The following KDM3A variants were observed in gnomAD, a reference collection of about 807,000 sequenced individuals.
KDM3A encodes lysine-specific demethylase 3A.
In KDM3A, 60 loss-of-function variants were observed where a neutral mutation model predicts 158.0. That is an observed-to-expected ratio of 0.38 (90% confidence interval 0.31 to 0.47). The LOEUF (loss-of-function observed/expected upper bound fraction) is 0.47. Ranked by LOEUF, KDM3A falls within the 20% of genes least tolerant of loss-of-function variation. KDM3A has a pLI of 0.99. For synonymous variants in KDM3A, 608 were observed against 549.3 expected (o/e 1.11, Z -1.49); for missense variants, 1,319 against 1,574.3 (o/e 0.84, Z 2.74).
intron 11 of KDM3A, among the ~76,000 whole-genome samples, chr2:86,470,756 C>T (rs548962651): frequency 1.1e-3 from 166 of 152,130 alleles, no homozygotes; most frequent in Non-Finnish European, 2.0e-3. Flanking sequence ...GTTGGTATAC[C>T]TAGTTGGTAT....
intron 16 of KDM3A, among the ~76,000 whole-genome samples, chr2:86,481,721 C>T (rs116304444): frequency 1.3e-3 from 193 of 152,250 alleles, no homozygotes; most frequent in African/African-American, 4.5e-3. Context: ...GGTCAATTTA[C>T]AAAATTCCAT....
intron 8 of KDM3A, among the ~76,000 whole-genome samples, chr2:86,461,365 A>G (rs1002856430): frequency 5.9e-5 from 9 of 152,284 alleles, no homozygotes; most frequent in African/African-American, 2.2e-4. Flanking sequence ...ACTGATCTAC[A>G]GTGGTGATCA....
At position 86,451,138 on chromosome 2, in the gene KDM3A, A is replaced by G; in HGVS notation, c.378A>G (p.Gly126=). The G allele has an allele frequency of 6.2e-7, 1 of 1,611,782 alleles. No homozygotes were observed. Among genetic ancestry groups the G allele is most frequent in the Non-Finnish European group, 8.5e-7 (1 of 1,179,302 alleles). The change falls in exon 4 of 26, where the codon GGA becomes GGG. Residue 126 remains glycine, a synonymous_variant. Coordinates refer to ENST00000312912, the MANE Select transcript of KDM3A (RefSeq NM_018433.6). ...CTCTGTTGGACAAAGCTGGTTTGGG[A>G]TCCATAACTTCTGTTCGCTTTCTGG... ...YKPLLDKAGL[G]SITSVRFLGD...
chr2:86,462,289 T>C (rs572131723), intron 8 of KDM3A, among the ~76,000 whole-genome samples: 6 of 152,086 alleles, frequency 3.9e-5, no homozygotes, highest in Non-Finnish European at 8.8e-5. Flanking sequence ...AGTATGTTGC[T>C]CTTGGGAGAG....
intron 2 of KDM3A, chr2:86,443,306 A>T (rs1012019073): frequency 6.6e-6 from 1 of 152,208 alleles, no homozygotes; most frequent in African/African-American, 2.4e-5. Flanking sequence ...TTATATGTTG[A>T]TTTCTGAAAC....
chr2:86,457,552 C>T (rs916783025), intron 8 of KDM3A, among the ~76,000 whole-genome samples: 2 of 152,108 alleles, frequency 1.3e-5, no homozygotes, highest in African/African-American at 4.8e-5. Context: ...TTATGGTTCA[C>T]TATTTTATGT....
At chr2:86,453,141 A>G (rs1672537540) in intron 4 of KDM3A, among the ~76,000 whole-genome samples, 1 of 148,932 alleles carries the variant, frequency 6.7e-6, no homozygotes, top group Non-Finnish European at 1.5e-5. Flanking sequence ...AGAAACATCT[A>G]AATTAGTAAG....
chr2:86,466,839 A>G lies in KDM3A; in HGVS notation c.1475A>G (p.Asp492Gly). 1 of 1,610,836 alleles carries G rather than the reference A, an allele frequency of 6.2e-7. No individual in the cohort carries two copies. Among genetic ancestry groups the G allele is most frequent in the Non-Finnish European group, 8.5e-7 (1 of 1,178,712 alleles). Residue 492 changes from aspartate (D) to glycine (G), a missense_variant, in exon 10 of 26, where the codon GAT becomes GGT. Around this residue, in one of 4 missense-constraint regions of KDM3A, gnomAD observed 652 missense variants for 627.2 expected, o/e 1.04. Coordinates refer to ENST00000312912, the MANE Select transcript of KDM3A (RefSeq NM_018433.6). ...TTAAAGGAATCTTCAGTAAAAGTAG[A>G]TAATGAAAGCTGTTGTTCAAGAAGC... ...QNLKESSVKV[D>G]NESCCSRSNN...
chr2:86,482,658 C>G lies in KDM3A; in HGVS notation c.2886C>G (p.Asn962Lys). ...TGCAAGACCCCAACAATAAGAGCAA[C>G]TGGAATGTGTTTAGGGAGTGCTGGA... is the stretch of plus-strand genomic sequence containing the variant. ...LCLQDPNNKS[N>K]WNVFRECWKQ... is the part of the protein sequence containing the mutation. The change falls in exon 18 of 26, where the codon AAC becomes AAG. Residue 962 changes from asparagine (N) to lysine (K), a missense_variant. Asn to Lys is a moderately conservative substitution (Grantham distance 94). This residue lies in a region of KDM3A where 368 missense variants were observed against 415.8 expected (regional missense o/e 0.89). Coordinates refer to ENST00000312912, the MANE Select transcript of KDM3A (RefSeq NM_018433.6). 1 of 1,614,124 alleles carries G rather than the reference C, an allele frequency of 6.2e-7. No individual in the cohort carries two copies. Among genetic ancestry groups the G allele is most frequent in the Non-Finnish European group, 8.5e-7 (1 of 1,180,026 alleles).
intron 21 of KDM3A, chr2:86,487,556 G>A (rs936737231): frequency 6.6e-6 from 1 of 152,172 alleles, no homozygotes; most frequent in Non-Finnish European, 1.5e-5. Flanking sequence ...GACTTGTTCA[G>A]GATCTCCAAG....
chr2:86,480,398 A>AT (rs757235700), intron 16 of KDM3A, 36 bp downstream of exon 16: 36 of 1,559,420 alleles, frequency 2.3e-5, no homozygotes, highest in Non-Finnish European at 2.7e-5. Flanking sequence ...GTTCTTGAGT[A>AT]TTTTAGTCCA....
At position 86,456,518 on chromosome 2, in the gene KDM3A, T is replaced by C. The variant is rs781260141; in HGVS notation, c.633T>C (p.Val211=). 3.7e-6 allele frequency: 6 copies of C among 1,609,382 alleles called. No homozygotes were observed. The African/African-American group carries it at 8.0e-5, about 22-fold the overall frequency. ...DPSTQWFSAT[V]INGNPASKTL... ...CTACTCAGTGGTTTTCAGCAACCGT[T>C]ATAAATGGAAACCCAGCATCAAAAA... Residue 211 remains valine, a synonymous_variant, in exon 6 of 26, where the codon GTT becomes GTC. Coordinates refer to ENST00000312912, the MANE Select transcript of KDM3A (RefSeq NM_018433.6).
intron 8 of KDM3A, among the ~76,000 whole-genome samples, chr2:86,462,201 G>GTTT (rs370408258): frequency 1.1e-4 from 16 of 146,600 alleles, no homozygotes; most frequent in South Asian, 2.2e-4. Context: ...TAGATGGAGG[G>GTTT]TTTTTTTTTT....
In KDM3A at chr2:86,478,685, A is replaced by G. The variant is rs199709370; in HGVS notation, c.2266A>G (p.Arg756Gly). The G allele has an allele frequency of 6.2e-7, 1 of 1,614,020 alleles. No homozygotes were observed. Among genetic ancestry groups the G allele is most frequent in the East Asian group, 2.2e-5 (1 of 44,880 alleles). The change falls in exon 15 of 26, where the codon AGG becomes GGG. Residue 756 changes from arginine to glycine, a missense_variant. Arg to Gly is a moderately radical substitution (Grantham distance 125). Transcript: ENST00000312912. ...GIKANCPCSNRQFKLFSKPAS... is the reference protein window; with the variant it reads ...GIKANCPCSNGQFKLFSKPAS... ...AAAGGCAAACTGCCCTTGTTCAAAC[A>G]GGCAATTCAAACTCTTTTCAAAGCC... is the stretch of plus-strand genomic sequence containing the variant.
rs147014991 is a variant in KDM3A at position 86,480,342 on chromosome 2, A to G, written c.2492A>G (p.Asn831Ser). The change falls in exon 16 of 26, where the codon AAT (asparagine) becomes AGT (serine). Residue 831 changes from asparagine to serine, a missense_variant. Around this residue, in one of 4 missense-constraint regions of KDM3A, gnomAD observed 368 missense variants for 415.8 expected, o/e 0.89. Coordinates refer to ENST00000312912, the MANE Select transcript of KDM3A (RefSeq NM_018433.6). ...TGGCTGGCCGACCTAACCAGCGGGA[A>G]TGTCAACAAGGAAAACAAGGGTGAG... ...LNWLADLTSGNVNKENKEKQP... is the reference protein window; with the variant it reads ...LNWLADLTSGSVNKENKEKQP... The G allele has an allele frequency of 6.2e-7, 1 of 1,612,768 alleles. No individual in the cohort carries two copies. Among genetic ancestry groups the G allele is most frequent in the African/African-American group, 1.3e-5 (1 of 74,870 alleles).
intron 12 of KDM3A, among the ~76,000 whole-genome samples, chr2:86,476,533 T>C (rs574500558): frequency 6.6e-6 from 1 of 152,142 alleles, no homozygotes; most frequent in African/African-American, 2.4e-5. Context: ...TACTGAAATA[T>C]GCCACCATAC....
intron 18 of KDM3A, chr2:86,482,945 G>T: frequency 2.1e-6 from 1 of 470,124 alleles, no homozygotes; most frequent in Non-Finnish European, 3.8e-6. Flanking sequence ...TTTTTGACGA[G>T]GGCATCCAGG....
intron 4 of KDM3A, 29 bp from the exon 5 acceptor site, chr2:86,455,056 T>G (rs756972130): frequency 7.6e-7 from 1 of 1,310,968 alleles, no homozygotes; most frequent in Admixed American, 2.1e-5. Flanking sequence ...ACTGTTACCC[T>G]TAACATGTAA....
intron 12 of KDM3A, among the ~76,000 whole-genome samples, chr2:86,475,738 A>G (rs1673631726): frequency 6.6e-6 from 1 of 152,098 alleles, no homozygotes; most frequent in Non-Finnish European, 1.5e-5. Flanking sequence ...TTTTATCTTT[A>G]CCAGTGGTTG....
Sources: gnomAD v4.1 joint callset for allele counts (sites outside exome capture counted in the v4.1 genomes callset) on GRCh38, gnomAD v4.1.1 for gene constraint, gnomAD v4.1.1 regional missense constraint, MANE v1.5 for transcripts, NCBI Gene and HGNC (gene_info 2026-07-23, HGNC 2026-07-21) for gene names.